The following PCDHGA5 variants were observed in gnomAD, a reference collection of about 807,000 sequenced individuals.
The protein encoded by PCDHGA5 is protocadherin gamma subfamily A, 5, also known as protocadherin gamma-A5.
A neutral mutation model predicts 56.7 loss-of-function variants in PCDHGA5; 36 were observed. That is an observed-to-expected ratio of 0.64 (90% confidence interval 0.49 to 0.84). The LOEUF is 0.84. Ranked by LOEUF, PCDHGA5 falls within the 40% of genes least tolerant of loss-of-function variation. The pLI is 0.00. For synonymous variants in PCDHGA5, 563 were observed against 520.2 expected, an observed-to-expected ratio of 1.08 and a Z score of -1.12; for missense variants, 1,305 against 1,201.5, an observed-to-expected ratio of 1.09 and a Z score of -1.27.
chr5:141,402,855 T>G, intron 1 of PCDHGA5: 1 of 1,425,070 alleles, frequency 7.0e-7, no homozygotes, highest in Non-Finnish European at 9.2e-7. Flanking sequence ...CTCTTTCTTC[T>G]AAGGAAAAGA....
intron 1 of PCDHGA5, chr5:141,367,494 G>T (rs1765172708): frequency 6.6e-6 from 1 of 151,970 alleles, no homozygotes; most frequent in African/African-American, 2.4e-5. Context: ...CCGAGATCGC[G>T]CCACTGCACT....
intron 1 of PCDHGA5, chr5:141,388,783 C>A: frequency 3.1e-6 from 5 of 1,613,818 alleles, no homozygotes; most frequent in South Asian, 1.1e-5. Context: ...GGGGAAATTA[C>A]TGTTTTAAAT....
chr5:141,366,346 G>A lies in PCDHGA5; in HGVS notation c.2016G>A (p.Leu672=). The A allele has an allele frequency of 6.2e-7, 1 of 1,613,932 alleles. No individual in the cohort carries two copies. The highest frequency in any genetic ancestry group is 1.1e-5 in the South Asian group (1 of 91,090). The change falls in exon 1 of 4, where the codon CTG becomes CTA. Residue 672 remains leucine, a synonymous_variant. Coordinates refer to ENST00000518069, the MANE Select transcript of PCDHGA5 (RefSeq NM_018918.3). ...VAVADRIPDI[L]ADLGSIKTPI... ...TGGCCGACAGGATCCCTGACATCCTGGCTGACCTAGGCAGTATCAAGACCC... is the reference window on the plus strand; with the variant it reads ...TGGCCGACAGGATCCCTGACATCCTAGCTGACCTAGGCAGTATCAAGACCC...
chr5:141,415,304 C>A, intron 1 of PCDHGA5: 1 of 1,614,188 alleles, frequency 6.2e-7, no homozygotes, highest in Non-Finnish European at 8.5e-7. Context: ...GTCTTCCTGG[C>A]CTTCGTCATC....
intron 1 of PCDHGA5, chr5:141,395,340 G>T (rs529007241): frequency 2.1e-6 from 3 of 1,419,360 alleles, no homozygotes; most frequent in Non-Finnish European, 1.9e-6. Flanking sequence ...TAATTTTTAA[G>T]GTGTATCACA....
At chr5:141,382,022 T>C (rs1330641881) in intron 1 of PCDHGA5, among the ~76,000 whole-genome samples, 1 of 151,530 alleles carries the variant, frequency 6.6e-6, no homozygotes, top group Non-Finnish European at 1.5e-5. Context: ...AGAGACGGGG[T>C]TTCTCCATGT....
chr5:141,417,699 C>G, intron 1 of PCDHGA5: 1 of 1,164,548 alleles, frequency 8.6e-7, no homozygotes. Context: ...AACCAGCTCC[C>G]ACACAGAGGC....
rs1433429634 is a variant in PCDHGA5 at position 141,486,311 on chromosome 5, G to T, written c.2422-8496G>T. 1.2e-6 allele frequency: 2 copies of T among 1,613,956 alleles called. No homozygotes were observed. Among genetic ancestry groups the T allele is most frequent in the African/African-American group, 2.7e-5 (2 of 74,892 alleles). On this transcript the variant is annotated intron_variant, in intron 1 of 3. Transcript: ENST00000518069. The surrounding 1 kb of genome is among the most constrained non-coding windows in gnomAD (Gnocchi z 5.0). The stretch of plus-strand genomic sequence containing the variant: ...TATCAGTGTGCAGGATCCAGACTCA[G>T]GGTCAAACGGAGATGTGAGCCTCCG...
intron 1 of PCDHGA5, among the ~76,000 whole-genome samples, chr5:141,369,219 G>C (rs906791517): frequency 6.6e-6 from 1 of 152,126 alleles, no homozygotes; most frequent in African/African-American, 2.4e-5. Context: ...CCAAGGAAAA[G>C]TGGACAGGAA....
At chr5:141,509,128 A>C (rs995210331) in intron 3 of PCDHGA5, among the ~76,000 whole-genome samples, 8 of 151,958 alleles carry the variant, frequency 5.3e-5, no homozygotes, top group African/African-American at 1.7e-4. Flanking sequence ...TGAAGAGAAA[A>C]ACCGAGGCGC....
intron 1 of PCDHGA5, chr5:141,370,419 G>C (rs1219315187): frequency 3.8e-6 from 6 of 1,572,938 alleles, no homozygotes; most frequent in African/African-American, 1.4e-5. Context: ...CGGATGGAGG[G>C]GCCCAGCAGG....
chr5:141,495,041 G>A, intron 2 of PCDHGA5, 176 bp downstream of exon 2: 1 of 942,350 alleles, frequency 1.1e-6, no homozygotes, highest in Non-Finnish European at 1.3e-6. Flanking sequence ...AGGAAGAGGC[G>A]ACTGCCCTGA....
chr5:141,395,114 C>T (rs2093175908), intron 1 of PCDHGA5: 2 of 1,614,070 alleles, frequency 1.2e-6, no homozygotes, highest in African/African-American at 1.3e-5. Context: ...GGAAGAGTCA[C>T]CTGATCTTTC....
chr5:141,418,081 C>T lies in PCDHGA5; in HGVS notation c.2421+51330C>T, dbSNP rs190197904. On this transcript the variant is annotated intron_variant, in intron 1 of 3. Transcript: ENST00000518069. Reference sequence around the variant, plus strand: ...TGCGAGTGAGCGCGGAGAAGCTGCACTTCAGCGTAGACGCGCAGAGCGGGG... The same window carrying T: ...TGCGAGTGAGCGCGGAGAAGCTGCATTTCAGCGTAGACGCGCAGAGCGGGG... 331 of 1,614,072 alleles carry T rather than the reference C, an allele frequency of 2.1e-4. 3 individuals are homozygous for T. The African/African-American group carries it at 4.0e-3, about 19-fold the overall frequency.
chr5:141,494,705 G>C, intron 1 of PCDHGA5, 102 bp from the exon 2 acceptor site: 1 of 1,597,990 alleles, frequency 6.3e-7, no homozygotes, highest in Non-Finnish European at 8.6e-7. Flanking sequence ...TTTCTTCTCT[G>C]TGCCCACTCC....
chr5:141,372,224 G>C (rs766861746), intron 1 of PCDHGA5: 25 of 1,613,414 alleles, frequency 1.5e-5, no homozygotes, highest in Non-Finnish European at 2.0e-5. Flanking sequence ...ACATTGTGCA[G>C]GCCAGCGAGC....
At chr5:141,419,227 C>G in intron 1 of PCDHGA5, 1 of 1,614,024 alleles carries the variant, frequency 6.2e-7, no homozygotes, top group South Asian at 1.1e-5. Flanking sequence ...GACAGTCAGC[C>G]TACCTGGTCC....
In PCDHGA5 at chr5:141,477,080, A is replaced by G; in HGVS notation, c.2422-17727A>G. 1.9e-6 allele frequency: 3 copies of G among 1,614,254 alleles called. No homozygotes were observed. The highest frequency in any genetic ancestry group is 2.5e-6 in the Non-Finnish European group (3 of 1,180,042). ...GGACACCAAACTCCATGAGATTTAC[A>G]TCCAGGCCAAAGACAAGGGCGCCAA... On this transcript the variant is annotated intron_variant, in intron 1 of 3. Coordinates refer to ENST00000518069, the MANE Select transcript of PCDHGA5 (RefSeq NM_018918.3). The surrounding 1 kb of genome is among the most constrained non-coding windows in gnomAD (Gnocchi z 4.9).
Position 141,366,238 on chromosome 5 carries a change from C to T in PCDHGA5, c.1908C>T (p.Asp636=), listed in dbSNP as rs376279746. The change falls in exon 1 of 4, where the codon GAC becomes GAT. Residue 636 remains aspartate, a synonymous_variant. Coordinates refer to ENST00000518069, the MANE Select transcript of PCDHGA5 (RefSeq NM_018918.3). ...CAGCGCGAGCCCTGCTGGACAGAGA[C>T]GCGCTCAAGCAGAGCCTCGTGGTGG... The part of the protein sequence containing the change: ...VRTARALLDR[D]ALKQSLVVAV... 1 of 1,613,786 alleles carries T rather than the reference C, an allele frequency of 6.2e-7. No homozygotes were observed. The highest frequency in any genetic ancestry group is 1.1e-5 in the South Asian group (1 of 91,090).
Sources: allele counts gnomAD v4.1 joint callset (sites outside exome capture counted in the v4.1 genomes callset), GRCh38; gene constraint gnomAD v4.1.1; non-coding constraint Gnocchi (gnomAD v3.1); transcripts MANE v1.5; gene names NCBI Gene and HGNC (gene_info 2026-07-23, HGNC 2026-07-21).